GNG7: variants seen among roughly 807,000 people sequenced by gnomAD.
The protein encoded by GNG7 is guanine nucleotide-binding protein G(I)/G(S)/G(O) subunit gamma-7.
Under a neutral mutation model 4.0 loss-of-function variants are expected in GNG7, and 1 was observed. That is an observed-to-expected ratio of 0.25 (90% confidence interval 0.09 to 1.18). The LOEUF is 1.18. Among genes scored for constraint, GNG7 ranks in the 50% most tolerant of loss-of-function variants. The pLI is 0.50. For synonymous variants in GNG7, 34 were observed against 36.9 expected (o/e 0.92, Z 0.29); for missense variants, 86 against 91.9 (o/e 0.94, Z 0.26).
chr19:2,521,612 G>GTTTTTTTTTTTTTT lies in GNG7; in HGVS notation c.-37-901_-37-888dup, dbSNP rs71178284. On this transcript the variant is annotated intron_variant, in intron 3 of 4. Coordinates refer to ENST00000382159, the MANE Select transcript of GNG7 (RefSeq NM_052847.3). ...ACCCCTGGTGACTGTCCCCCTCCGT[G>GTTTTTTTTTTTTTT]TTTTTTTTTTTTTTTTTTTGAGACA... is the stretch of plus-strand genomic sequence containing the variant. Among the ~76,000 whole-genome samples, 5 of 104,702 alleles carry GTTTTTTTTTTTTTT rather than the reference G, an allele frequency of 4.8e-5. 1 individual carries two copies. Among genetic ancestry groups the GTTTTTTTTTTTTTT allele is most frequent in the African/African-American group, 2.0e-4 (5 of 25,486 alleles). The allele number at this position is 104,702 out of a possible 152,430, so 68.7% of individuals were successfully genotyped here.
At chr19:2,577,328 A>T (rs1349170719) in intron 2 of GNG7, among the ~76,000 whole-genome samples, 1 of 152,122 alleles carries the variant, frequency 6.6e-6, no homozygotes, top group Non-Finnish European at 1.5e-5. Context: ...TTCATCCAGC[A>T]TTCCCTCAGG....
intron 1 of GNG7, among the ~76,000 whole-genome samples, chr19:2,654,802 G>C (rs991657919): frequency 4.0e-5 from 6 of 151,772 alleles, no homozygotes; most frequent in Non-Finnish European, 8.8e-5. Flanking sequence ...GTGGACATTG[G>C]GGCTGGACCA....
chr19:2,632,757 G>A (rs1031423135), intron 2 of GNG7: 3 of 152,206 alleles, frequency 2.0e-5, no homozygotes, highest in African/African-American at 7.2e-5. Flanking sequence ...GCAACAGAGT[G>A]AGACTCTGAC....
rs549847894 is a variant in GNG7 at position 2,683,246 on chromosome 19, A to G, written c.-135+19400T>C. On this transcript the variant is annotated intron_variant, in intron 1 of 4. Transcript: ENST00000382159. ...AGAGAAAGACTCCGTCTCAAAAAAA[A>G]AAAATAGAGATGGGTTCTCACTATG... is the stretch of plus-strand genomic sequence containing the variant. Among the ~76,000 whole-genome samples the G allele has an allele frequency of 7.3e-5, 11 of 151,690 alleles. 1 individual carries two copies. The South Asian group carries it at 2.3e-3, about 32-fold the overall frequency.
At chr19:2,535,736 C>T (rs1044421849) in intron 3 of GNG7, among the ~76,000 whole-genome samples, 5 of 152,086 alleles carry the variant, frequency 3.3e-5, no homozygotes, top group South Asian at 2.1e-4. Flanking sequence ...GACCTTGACT[C>T]GGAATTCCTA....
intron 2 of GNG7, among the ~76,000 whole-genome samples, chr19:2,607,451 C>T (rs1446430177): frequency 6.7e-6 from 1 of 149,738 alleles, no homozygotes; most frequent in Non-Finnish European, 1.5e-5. Flanking sequence ...ATTGCTTGAA[C>T]CTGGGAGGCA....
intron 3 of GNG7, among the ~76,000 whole-genome samples, chr19:2,544,772 C>T (rs1032291424): frequency 3.3e-5 from 5 of 152,096 alleles, no homozygotes; most frequent in Non-Finnish European, 5.9e-5. Context: ...CTGTGGTTGT[C>T]GGGGTTGGGG....
intron 1 of GNG7, among the ~76,000 whole-genome samples, chr19:2,647,671 T>C (rs1192107310): frequency 2.0e-5 from 3 of 151,862 alleles, no homozygotes; most frequent in Non-Finnish European, 4.4e-5. Context: ...TGAGCTAGGA[T>C]TGCACCACTG....
chr19:2,530,319 A>G (rs145253880), intron 3 of GNG7, among the ~76,000 whole-genome samples: 115 of 152,168 alleles, frequency 7.6e-4, no homozygotes, highest in African/African-American at 2.6e-3. Context: ...AGGCTGAGGC[A>G]CAAGAATCAC....
At chr19:2,583,931 T>C (rs1224850781) in intron 2 of GNG7, among the ~76,000 whole-genome samples, 1 of 152,164 alleles carries the variant, frequency 6.6e-6, no homozygotes, top group Non-Finnish European at 1.5e-5. Context: ...GTATCAATAG[T>C]GTGATTCTAT....
At position 2,626,470 on chromosome 19, in the gene GNG7, G is replaced by C. The variant is rs897574200; in HGVS notation, c.-78+19754C>G. 6.6e-6 allele frequency among the ~76,000 whole-genome samples: 1 copy of C among 152,054 alleles called. No homozygotes were observed. The highest frequency in any genetic ancestry group is 1.5e-5 in the Non-Finnish European group (1 of 67,992). On this transcript the variant is annotated intron_variant, in intron 2 of 4. Coordinates refer to ENST00000382159, the MANE Select transcript of GNG7 (RefSeq NM_052847.3). This position sits in a 1 kb window ranked among gnomAD's most constrained non-coding sequence, Gnocchi z 5.0. ...CTCGGGATAAAATGCAGCCTCTGCC[G>C]TGCGGCCTCCTCACTCCCTCCCTCT... is the stretch of plus-strand genomic sequence containing the variant.
chr19:2,553,383 CAT>C (rs200287140), intron 3 of GNG7, among the ~76,000 whole-genome samples: 1,668 of 127,732 alleles, frequency 0.013, 20 homozygotes, highest in Middle Eastern at 0.028. Flanking sequence ...TGGTGCTGAG[CAT>C]ATATATATAT....
chr19:2,630,897 C>G (rs528099163), intron 2 of GNG7: 1 of 152,154 alleles, frequency 6.6e-6, no homozygotes, highest in South Asian at 2.1e-4. Context: ...GTGCTGCAGA[C>G]TAGAGCATTC....
chr19:2,664,318 T>C (rs969864118), intron 1 of GNG7, among the ~76,000 whole-genome samples: 2 of 152,330 alleles, frequency 1.3e-5, no homozygotes, highest in African/African-American at 2.4e-5. Flanking sequence ...CATCTAAATA[T>C]GTCACCAGCA....
intron 3 of GNG7, among the ~76,000 whole-genome samples, chr19:2,537,783 G>T (rs1181550189): frequency 1.3e-5 from 2 of 152,026 alleles, no homozygotes; most frequent in Non-Finnish European, 2.9e-5. Context: ...ATTATGAAAG[G>T]TCTTGAGGGA....
chr19:2,541,683 A>G (rs558062915), intron 3 of GNG7, among the ~76,000 whole-genome samples: 46 of 151,864 alleles, frequency 3.0e-4, no homozygotes, highest in African/African-American at 1.1e-3. Context: ...CGGAGGTTGC[A>G]GTGAGCCGAG....
chr19:2,667,667 C>T (rs1205290235), intron 1 of GNG7, among the ~76,000 whole-genome samples: 2 of 152,082 alleles, frequency 1.3e-5, no homozygotes, highest in African/African-American at 4.8e-5. Flanking sequence ...GTAATCCCAG[C>T]ACTTTGGGAG....
At chr19:2,591,107 T>A (rs1177816214) in intron 2 of GNG7, among the ~76,000 whole-genome samples, 1 of 152,234 alleles carries the variant, frequency 6.6e-6, no homozygotes, top group East Asian at 1.9e-4. Flanking sequence ...GTTCCTTGGA[T>A]TCCTGATGCT....
intron 2 of GNG7, among the ~76,000 whole-genome samples, chr19:2,620,463 A>G (rs1000243823): frequency 1.3e-5 from 2 of 152,088 alleles, no homozygotes; most frequent in African/African-American, 4.8e-5. Context: ...TCTCAGACCA[A>G]CAGGATATTA....
Sources: gnomAD v4.1 joint callset for allele counts (sites outside exome capture counted in the v4.1 genomes callset) on GRCh38, gnomAD v4.1.1 for gene constraint, Gnocchi (gnomAD v3.1) non-coding constraint, MANE v1.5 for transcripts, NCBI Gene and HGNC (gene_info 2026-07-23, HGNC 2026-07-21) for gene names.